The following NARS2 variants were observed in gnomAD, a reference collection of about 807,000 sequenced individuals.
NARS2 encodes asparaginyl-tRNA synthetase 2, mitochondrial, also known as asparaginyl-tRNA synthetase.
NARS2 carries 60 observed loss-of-function variants against 62.9 expected under a neutral mutation model. The ratio of observed to expected loss-of-function variants is 0.95; its 90% CI spans 0.77 to 1.18. The LOEUF is 1.18. NARS2 is among the 50% of genes most tolerant of loss of function. NARS2 has a pLI of 0.00. For missense variants in NARS2, 619 were observed against 576.4 expected, an observed-to-expected ratio of 1.07 and a Z score of -0.76; for synonymous variants, 196 against 200.0, an observed-to-expected ratio of 0.98 and a Z score of 0.17.
intron 7 of NARS2, among the ~76,000 whole-genome samples, chr11:78,488,106 G>A (rs1252879108): frequency 6.6e-6 from 1 of 152,034 alleles, no homozygotes; most frequent in Non-Finnish European, 1.5e-5. Flanking sequence ...GTGATTGAGA[G>A]CAAAAATTCA....
intron 7 of NARS2, among the ~76,000 whole-genome samples, chr11:78,481,667 CAG>C (rs1275288313): frequency 2.6e-5 from 4 of 152,112 alleles, no homozygotes; most frequent in African/African-American, 9.7e-5. Flanking sequence ...TAGCGTAACT[CAG>C]ATGTCTTAAA....
intron 1 of NARS2, among the ~76,000 whole-genome samples, chr11:78,572,547 G>A (rs886452326): frequency 6.6e-6 from 1 of 152,252 alleles, no homozygotes; most frequent in East Asian, 1.9e-4. Context: ...ACATCTTTCA[G>A]GACTTGGCTG....
chr11:78,516,807 C>T (rs1860928878), intron 6 of NARS2, among the ~76,000 whole-genome samples: 1 of 152,134 alleles, frequency 6.6e-6, no homozygotes, highest in Non-Finnish European at 1.5e-5. Context: ...AGATAACTGT[C>T]TTTATTTTGT....
rs529456231 is a variant in NARS2, at chr11:78,548,800, AT to A, written c.594+10738del. ...ATGCGTAAATGTTATTTAAAAAAAA[AT>A]TTTTTTTTAATCCAACCATTTAAAG... is the stretch of plus-strand genomic sequence containing the variant. On this transcript the variant is annotated intron_variant, in intron 5 of 13. Transcript: ENST00000281038. 2.8e-3 allele frequency among the ~76,000 whole-genome samples: 427 copies of A among 151,920 alleles called. 1 individual carries two copies. Among genetic ancestry groups the A allele is most frequent in the Non-Finnish European group, 5.0e-3 (341 of 67,908 alleles).
intron 11 of NARS2, among the ~76,000 whole-genome samples, chr11:78,464,873 C>T (rs946565027): frequency 3.3e-5 from 5 of 152,236 alleles, no homozygotes; most frequent in African/African-American, 7.2e-5. Flanking sequence ...AGGTTCTCCA[C>T]GTCCCCACCA....
At chr11:78,481,682 TGTTA>T (rs1459836837) in intron 7 of NARS2, among the ~76,000 whole-genome samples, 3 of 152,174 alleles carry the variant, frequency 2.0e-5, no homozygotes, top group African/African-American at 4.8e-5. Context: ...GTCTTAAAAA[TGTTA>T]GTTAGTTGTA....
intron 9 of NARS2, among the ~76,000 whole-genome samples, chr11:78,470,360 G>T (rs1007158734): frequency 6.6e-6 from 1 of 151,936 alleles, no homozygotes; most frequent in Non-Finnish European, 1.5e-5. Flanking sequence ...CTTCCATTGC[G>T]GTTCCAGAGA....
intron 11 of NARS2, among the ~76,000 whole-genome samples, chr11:78,453,863 C>A (rs1336987283): frequency 6.6e-6 from 1 of 152,154 alleles, no homozygotes. Context: ...TGGACTTTGG[C>A]TACTATAATG....
At chr11:78,476,722 T>C (rs1251882800) in intron 9 of NARS2, among the ~76,000 whole-genome samples, 2 of 152,212 alleles carry the variant, frequency 1.3e-5, no homozygotes, top group African/African-American at 4.8e-5. Flanking sequence ...ACAATGACAA[T>C]GATTGAAATG....
At chr11:78,460,452 T>C (rs1858351921) in intron 11 of NARS2, among the ~76,000 whole-genome samples, 1 of 151,976 alleles carries the variant, frequency 6.6e-6, no homozygotes, top group African/African-American at 2.4e-5. Flanking sequence ...GGAGAACTGA[T>C]TCAGAAGAGG....
At chr11:78,492,578 T>C (rs1859872154) in intron 7 of NARS2, among the ~76,000 whole-genome samples, 2 of 152,194 alleles carry the variant, frequency 1.3e-5, no homozygotes, top group Non-Finnish European at 1.5e-5. Context: ...ACTGAGCTGA[T>C]AGCTCCTGTG....
At chr11:78,477,975 A>G (rs1278596625) in intron 9 of NARS2, among the ~76,000 whole-genome samples, 1 of 152,188 alleles carries the variant, frequency 6.6e-6, no homozygotes, top group African/African-American at 2.4e-5. Context: ...GTTTCTCTGG[A>G]GAACTCTAAT....
intron 11 of NARS2, among the ~76,000 whole-genome samples, chr11:78,450,327 A>G (rs1857922539): frequency 6.6e-6 from 1 of 152,148 alleles, no homozygotes; most frequent in African/African-American, 2.4e-5. Flanking sequence ...AAAATAGGCT[A>G]TTTTCACGGG....
intron 6 of NARS2, among the ~76,000 whole-genome samples, chr11:78,505,307 C>T (rs1590788905): frequency 6.9e-6 from 1 of 143,900 alleles, no homozygotes; most frequent in South Asian, 2.1e-4. Flanking sequence ...CACACACACA[C>T]ACACACACAC....
chr11:78,505,601 T>C (rs571362853), intron 6 of NARS2, among the ~76,000 whole-genome samples: 1 of 152,298 alleles, frequency 6.6e-6, no homozygotes, highest in East Asian at 1.9e-4. Flanking sequence ...GTCTGTATCT[T>C]ATCATCATTA....
At chr11:78,476,031 T>C (rs1859079487) in intron 9 of NARS2, among the ~76,000 whole-genome samples, 1 of 152,214 alleles carries the variant, frequency 6.6e-6, no homozygotes, top group Non-Finnish European at 1.5e-5. Flanking sequence ...CTTACACAAA[T>C]GTAAAACATT....
rs1856488726 is a variant in NARS2 at position 78,559,628 on chromosome 11, G to C, written c.514-9C>G. 6.3e-7 allele frequency: 1 copy of C among 1,578,968 alleles called. No individual in the cohort carries two copies. Among genetic ancestry groups the C allele is most frequent in the Non-Finnish European group, 8.7e-7 (1 of 1,149,034 alleles). ...TGTACAAAGCCACTGTCCTGAAAAA[G>C]AAAACCACTGTTTTCAGGATATTTG... is the stretch of plus-strand genomic sequence containing the variant. On this transcript the variant is annotated splice_polypyrimidine_tract_variant and intron_variant, in intron 4 of 13. Coordinates refer to ENST00000281038, the MANE Select transcript of NARS2 (RefSeq NM_024678.6).
At chr11:78,546,957 T>C (rs1218795240) in intron 5 of NARS2, among the ~76,000 whole-genome samples, 1 of 152,232 alleles carries the variant, frequency 6.6e-6, no homozygotes, top group Admixed American at 6.5e-5. Flanking sequence ...ATAATTACCC[T>C]TAAAAAAGGT....
At chr11:78,457,510 A>G (rs60103728) in intron 11 of NARS2, among the ~76,000 whole-genome samples, 7,092 of 152,312 alleles carry the variant, frequency 0.047, 535 homozygotes, top group African/African-American at 0.16. Context: ...AATGGATTGA[A>G]AAGAAATGTA....
Sources: gnomAD v4.1 joint callset for allele counts (sites outside exome capture counted in the v4.1 genomes callset) on GRCh38, gnomAD v4.1.1 for gene constraint, MANE v1.5 for transcripts, NCBI Gene and HGNC (gene_info 2026-07-23, HGNC 2026-07-21) for gene names.